SCAP: variants seen among roughly 807,000 people sequenced by gnomAD.
The protein encoded by SCAP is SREBF chaperone.
In SCAP, 65 loss-of-function variants were observed where a neutral mutation model predicts 123.6. The ratio of observed to expected loss-of-function variants is 0.53; its 90% CI spans 0.43 to 0.65. The LOEUF (loss-of-function observed/expected upper bound fraction) is 0.65, where lower values mean the gene tolerates loss of function less well. Among genes scored for constraint, SCAP ranks in the 30% least tolerant of loss-of-function variants. SCAP has a pLI of 0.00. For missense variants in SCAP, 1,398 were observed against 1,712.5 expected (o/e 0.82, Z 3.24); for synonymous variants, 740 against 726.3 (o/e 1.02, Z -0.30).
chr3:47,472,995 G>T (rs1393044182), intron 1 of SCAP, among the ~76,000 whole-genome samples: 1 of 148,380 alleles, frequency 6.7e-6, no homozygotes, highest in Non-Finnish European at 1.5e-5. Context: ...CAGGAGAATC[G>T]CTTGAACCTG....
At chr3:47,445,243 CTTTT>C (rs970206797) in intron 1 of SCAP, among the ~76,000 whole-genome samples, 8 of 111,852 alleles carry the variant, frequency 7.2e-5, no homozygotes, top group Non-Finnish European at 1.5e-4. Flanking sequence ...GTTTTCAATT[CTTTT>C]TTTTTTTTTT....
chr3:47,436,232 A>G (rs1706571891), intron 2 of SCAP, among the ~76,000 whole-genome samples: 1 of 152,230 alleles, frequency 6.6e-6, no homozygotes, highest in Admixed American at 6.5e-5. Flanking sequence ...CAGACCATGA[A>G]AATTATGTAT....
At chr3:47,463,747 T>C (rs1707729838) in intron 1 of SCAP, among the ~76,000 whole-genome samples, 1 of 152,160 alleles carries the variant, frequency 6.6e-6, no homozygotes, top group African/African-American at 2.4e-5. Flanking sequence ...AACAGGGGCT[T>C]AGCCTTGTTC....
intron 21 of SCAP, 55 bp from the exon 22 acceptor site, chr3:47,414,441 A>T (rs1705467882): frequency 2.7e-5 from 43 of 1,605,450 alleles, no homozygotes; most frequent in Non-Finnish European, 3.4e-5. Context: ...CTCTGTCAAC[A>T]GTGGTGTCCC....
intron 1 of SCAP, among the ~76,000 whole-genome samples, chr3:47,456,437 TAGAGA>T (rs1167048324): frequency 1.3e-5 from 2 of 151,522 alleles, no homozygotes; most frequent in Non-Finnish European, 2.9e-5. Context: ...AAATTCCAAA[TAGAGA>T]AAAGATTTAA....
chr3:47,423,900 G>A, intron 9 of SCAP, 33 bp downstream of exon 9: 1 of 1,480,498 alleles, frequency 6.8e-7, no homozygotes, highest in East Asian at 2.3e-5. Context: ...AGCCCCTCCT[G>A]CAGCCCTCTG....
rs753990510 is a variant in SCAP, at chr3:47,428,665, C to G, written c.258G>C (p.Val86=). ...GCTGGACATAAGCCACCGGGGCACCCACATACTGCAGAAGAAATGAGGGAG... is the reference window on the plus strand; with the variant it reads ...GCTGGACATAAGCCACCGGGGCACCGACATACTGCAGAAGAAATGAGGGAG... ...GEPTEQPEWY[V]GAPVAYVQQI... The change falls in exon 4 of 23, where the codon GTG becomes GTC. Residue 86 remains valine (V), a synonymous_variant. Transcript: ENST00000265565. The G allele has an allele frequency of 3.7e-6, 6 of 1,613,758 alleles. No homozygotes were observed. The South Asian group carries it at 5.5e-5, about 15-fold the overall frequency.
At chr3:47,456,063 A>G (rs574527907) in intron 1 of SCAP, among the ~76,000 whole-genome samples, 28 of 152,236 alleles carry the variant, frequency 1.8e-4, no homozygotes, top group Non-Finnish European at 8.8e-5. Context: ...GTTGCAACAA[A>G]TGGGTAGCCA....
At chr3:47,457,130 T>C (rs191439960) in intron 1 of SCAP, among the ~76,000 whole-genome samples, 38 of 152,314 alleles carry the variant, frequency 2.5e-4, no homozygotes, top group Admixed American at 2.3e-3. Flanking sequence ...TCTGCTTATT[T>C]GTCTATAAAT....
At chr3:47,453,395 T>TG in intron 1 of SCAP, among the ~76,000 whole-genome samples, 2 of 15,340 alleles carry the variant, frequency 1.3e-4, no homozygotes, top group Non-Finnish European at 8.7e-4. Context: ...AAATTTTTAA[T>TG]GGAAAAAAAA....
In SCAP at chr3:47,442,783, G is replaced by C. The variant is rs1349974923; in HGVS notation, c.122+89C>G. 2.5e-6 allele frequency: 3 copies of C among 1,202,970 alleles called. No individual in the cohort carries two copies. In the East Asian group the frequency reaches 7.0e-5, roughly 28 times the overall value. The allele number at this position is 1,202,970 out of a possible 1,614,324, so 74.5% of individuals were successfully genotyped here. On this transcript the variant is annotated intron_variant, in intron 2 of 22. Transcript: ENST00000265565. ...GCTCCCATTGTGTAAAAAGCATACA[G>C]AGGCCAAGGGCTCCATAGTGGTTAG...
At chr3:47,457,716 G>A (rs1183416083) in intron 1 of SCAP, among the ~76,000 whole-genome samples, 2 of 151,162 alleles carry the variant, frequency 1.3e-5, no homozygotes, top group African/African-American at 4.9e-5. Flanking sequence ...GACCATCCTG[G>A]CTAACATAGT....
chr3:47,446,176 C>CT lies in SCAP; in HGVS notation c.-98-3086dup, dbSNP rs1291703603. 1.6e-3 allele frequency among the ~76,000 whole-genome samples: 206 copies of CT among 129,134 alleles called. No homozygotes were observed. The Middle Eastern group carries it at 0.019, about 12-fold the overall frequency. The allele number at this position is 129,134 out of a possible 152,430, so 84.7% of individuals were successfully genotyped here. A position where few individuals can be genotyped will look rare whatever the true frequency, so the allele number is the denominator to read the frequency against. On this transcript the variant is annotated intron_variant, in intron 1 of 22. Transcript: ENST00000265565. The stretch of plus-strand genomic sequence containing the variant: ...GGCATGGCCACTGCACCTGGCCAAC[C>CT]TTTTTTTTTTTTTTTGAGATGGAGT...
intron 3 of SCAP, among the ~76,000 whole-genome samples, chr3:47,430,900 G>A (rs1453764623): frequency 6.6e-6 from 1 of 152,216 alleles, no homozygotes; most frequent in African/African-American, 2.4e-5. Flanking sequence ...ACTCACCAAT[G>A]CAGTACTCCA....
At chr3:47,429,472 A>T (rs1706274439) in intron 3 of SCAP, among the ~76,000 whole-genome samples, 1 of 152,122 alleles carries the variant, frequency 6.6e-6, no homozygotes, top group Non-Finnish European at 1.5e-5. Context: ...CCCACCCACC[A>T]AGTAGCTGAG....
chr3:47,441,986 A>G (rs1349936819), intron 2 of SCAP, among the ~76,000 whole-genome samples: 1 of 143,696 alleles, frequency 7.0e-6, no homozygotes, highest in Non-Finnish European at 1.5e-5. Context: ...AATTACAGGT[A>G]TGAGCACTGC....
In SCAP at chr3:47,414,049, C is replaced by T. The variant is rs1050009439; in HGVS notation, c.3645G>A (p.Val1215=). ...SLGVISDNLL[V]TGGQGCVSFW... ...AGGAGACACAGCCCTGGCCGCCAGT[C>T]ACCAGCAGGTTGTCTGAGATGACAC... The change falls in exon 23 of 23, where the codon GTG becomes GTA. Residue 1215 remains valine (V), a synonymous_variant. Coordinates refer to ENST00000265565, the MANE Select transcript of SCAP (RefSeq NM_012235.4). 1 of 1,613,406 alleles carries T rather than the reference C, an allele frequency of 6.2e-7. No homozygotes were observed. Among genetic ancestry groups the T allele is most frequent in the Non-Finnish European group, 8.5e-7 (1 of 1,180,032 alleles).
intron 1 of SCAP, among the ~76,000 whole-genome samples, chr3:47,470,794 G>A (rs752746707): frequency 1.3e-5 from 2 of 152,070 alleles, no homozygotes; most frequent in African/African-American, 2.4e-5. Flanking sequence ...CCAGGGGGGC[G>A]AAGGTTGCAG....
chr3:47,436,707 T>C (rs1706592050), intron 2 of SCAP, among the ~76,000 whole-genome samples: 1 of 152,206 alleles, frequency 6.6e-6, no homozygotes, highest in Non-Finnish European at 1.5e-5. Flanking sequence ...TCTTAAAATT[T>C]AGAAATAACT....
Sources: allele counts gnomAD v4.1 joint callset (sites outside exome capture counted in the v4.1 genomes callset), GRCh38; gene constraint gnomAD v4.1.1; transcripts MANE v1.5; gene names NCBI Gene and HGNC (gene_info 2026-07-23, HGNC 2026-07-21).